Variants in DLG2 observed in about 807,000 individuals in gnomAD.
The protein encoded by DLG2 is disks large homolog 2.
In DLG2, 45 loss-of-function variants were observed where a neutral mutation model predicts 132.5. The ratio of observed to expected loss-of-function variants is 0.34; its 90% CI spans 0.27 to 0.44. The LOEUF (loss-of-function observed/expected upper bound fraction) is 0.44. DLG2 is among the 20% of genes least tolerant of loss of function. The probability of loss-of-function intolerance (pLI) is 1.00; values close to 1 mark genes in which losing one functional copy is unlikely to be tolerated. For synonymous variants in DLG2, 424 were observed against 419.6 expected (o/e 1.01, Z -0.13); for missense variants, 1,045 against 1,196.9 (o/e 0.87, Z 1.87).
At chr11:83,567,241 T>G (rs944465710) in intron 19 of DLG2, among the ~76,000 whole-genome samples, 1 of 152,166 alleles carries the variant, frequency 6.6e-6, no homozygotes, top group African/African-American at 2.4e-5. Context: ...AGCTATAATA[T>G]TTTCTTGACT....
intron 6 of DLG2, among the ~76,000 whole-genome samples, chr11:84,696,555 G>A (rs2153733263): frequency 6.6e-6 from 1 of 151,528 alleles, no homozygotes; most frequent in East Asian, 2.0e-4. Flanking sequence ...GGAAGCAAGA[G>A]GCTTGAGGAG....
At chr11:84,302,230 G>C (rs1345644438) in intron 7 of DLG2, among the ~76,000 whole-genome samples, 1 of 152,090 alleles carries the variant, frequency 6.6e-6, no homozygotes, top group Non-Finnish European at 1.5e-5. Flanking sequence ...ATAGCATTAA[G>C]AGAAATACCT....
chr11:84,556,481 T>C (rs925196251), intron 6 of DLG2, among the ~76,000 whole-genome samples: 1 of 152,200 alleles, frequency 6.6e-6, no homozygotes, highest in Non-Finnish European at 1.5e-5. Context: ...GGAGAAGAAT[T>C]GTCTTGGGCC....
chr11:84,859,197 A>G (rs551394664), intron 6 of DLG2, among the ~76,000 whole-genome samples: 1 of 151,480 alleles, frequency 6.6e-6, no homozygotes, highest in South Asian at 2.1e-4. Flanking sequence ...AAAGTATAAA[A>G]TGTAATTTGT....
intron 17 of DLG2, 50 bp from the exon 18 acceptor site, chr11:83,786,842 C>T: frequency 6.4e-7 from 1 of 1,560,582 alleles, no homozygotes; most frequent in Non-Finnish European, 8.8e-7. Flanking sequence ...GGCATATTAT[C>T]CTGATAGAAG....
rs577728632 is a variant in DLG2, at chr11:84,824,116, T to C, written c.357+287545A>G. Among the ~76,000 whole-genome samples, 100 of 152,016 alleles carry C rather than the reference T, an allele frequency of 6.6e-4. 1 individual carries two copies. The South Asian group carries it at 0.01, about 15-fold the overall frequency. ...TCTTGTTGTATGTCCCTCTCACCAA[T>C]AGCAAATCTAAAATCCTAGCAATCC... On this transcript the variant is annotated intron_variant, in intron 6 of 27. Transcript: ENST00000376104.
At chr11:84,977,882 A>C (rs1239344790) in intron 6 of DLG2, among the ~76,000 whole-genome samples, 1 of 152,158 alleles carries the variant, frequency 6.6e-6, no homozygotes, top group Non-Finnish European at 1.5e-5. Flanking sequence ...ATCTCATCTT[A>C]AATTTCAATG....
chr11:85,292,143 T>C (rs572733474), intron 3 of DLG2, among the ~76,000 whole-genome samples: 18 of 152,272 alleles, frequency 1.2e-4, no homozygotes, highest in African/African-American at 3.6e-4. Flanking sequence ...TTCCTTATCC[T>C]GTATCCATAT....
intron 6 of DLG2, among the ~76,000 whole-genome samples, chr11:85,024,416 T>C (rs575235346): frequency 3.1e-4 from 47 of 152,276 alleles, no homozygotes; most frequent in African/African-American, 1.1e-3. Flanking sequence ...AGAGTAACAA[T>C]TAAAACACAG....
intron 3 of DLG2, among the ~76,000 whole-genome samples, chr11:85,448,965 C>A (rs2092125269): frequency 1.3e-5 from 2 of 152,104 alleles, no homozygotes; most frequent in Non-Finnish European, 2.9e-5. Flanking sequence ...TCAAACATGG[C>A]AGAAGTTGTT....
At chr11:84,428,724 C>T (rs1435148572) in intron 7 of DLG2, among the ~76,000 whole-genome samples, 2 of 152,184 alleles carry the variant, frequency 1.3e-5, no homozygotes, top group East Asian at 3.8e-4. Context: ...AGGACAAGAG[C>T]TTCAACATAT....
Position 85,199,373 on chromosome 11 carries a change from A to T in DLG2, c.187-44722T>A, listed in dbSNP as rs190041605. 1.6e-3 allele frequency among the ~76,000 whole-genome samples: 239 copies of T among 152,324 alleles called. 1 individual carries two copies. The highest frequency in any genetic ancestry group is 5.3e-3 in the African/African-American group (220 of 41,580). On this transcript the variant is annotated intron_variant, in intron 4 of 27. Transcript: ENST00000376104. Reference sequence around the variant, plus strand: ...AGCTAATCCCCAGGGACAAAAATTTAAAAAAGTCTAAGGAATAATGTGTGA... The same window carrying T: ...AGCTAATCCCCAGGGACAAAAATTTTAAAAAGTCTAAGGAATAATGTGTGA...
At position 85,186,254 on chromosome 11, in the gene DLG2, A is replaced by AT. The variant is rs2080089462; in HGVS notation, c.187-31604dup. On this transcript the variant is annotated intron_variant, in intron 4 of 27. Transcript: ENST00000376104. ...GAAACAAAATTAATTTAAATAATAT[A>AT]TTTCATTTAACTCAATATATGCAAA... Among the ~76,000 whole-genome samples, 4 of 152,188 alleles carry AT rather than the reference A, an allele frequency of 2.6e-5. No homozygotes were observed. In the Middle Eastern group the frequency reaches 0.01, roughly 388 times the overall value.
intron 3 of DLG2, among the ~76,000 whole-genome samples, chr11:85,543,944 G>A (rs1393858030): frequency 6.6e-6 from 1 of 152,104 alleles, no homozygotes; most frequent in Non-Finnish European, 1.5e-5. Flanking sequence ...TAGGGTGCCT[G>A]TTCACTCTGA....
At chr11:83,757,137 T>C (rs2093681551) in intron 18 of DLG2, among the ~76,000 whole-genome samples, 2 of 152,292 alleles carry the variant, frequency 1.3e-5, no homozygotes, top group South Asian at 2.1e-4. Flanking sequence ...TTTGAGGAAT[T>C]TATATGATCC....
chr11:85,414,876 T>A (rs186756941), intron 3 of DLG2, among the ~76,000 whole-genome samples: 15 of 152,246 alleles, frequency 9.9e-5, no homozygotes, highest in Non-Finnish European at 1.8e-4. Flanking sequence ...CTTTCATTAT[T>A]ATACTTTAAG....
chr11:83,637,413 T>A (rs2065133765), intron 18 of DLG2, among the ~76,000 whole-genome samples: 1 of 152,210 alleles, frequency 6.6e-6, no homozygotes, highest in Non-Finnish European at 1.5e-5. Context: ...TGAGCTAGGA[T>A]CTGTACTACA....
chr11:84,304,281 G>A (rs922742766), intron 7 of DLG2, among the ~76,000 whole-genome samples: 1 of 152,130 alleles, frequency 6.6e-6, no homozygotes. Flanking sequence ...GGAATACGAG[G>A]AATCTCACAC....
rs527604245 is a variant in DLG2 at position 83,624,076 on chromosome 11, G to T, written c.1940+9135C>A. Among the ~76,000 whole-genome samples, 11 of 152,320 alleles carry T rather than the reference G, an allele frequency of 7.2e-5. 1 individual carries two copies. Among genetic ancestry groups the T allele is most frequent in the African/African-American group, 2.6e-4 (11 of 41,568 alleles). ...TCTAGGTTGTAGGAATGATCTGTGG[G>T]CTCCTTAATGGCAGAAAAGAAGTTT... On this transcript the variant is annotated intron_variant, in intron 19 of 27. Coordinates refer to ENST00000376104, the MANE Select transcript of DLG2 (RefSeq NM_001142699.3).
Sources: allele counts gnomAD v4.1 joint callset (sites outside exome capture counted in the v4.1 genomes callset), GRCh38; gene constraint gnomAD v4.1.1; transcripts MANE v1.5; gene names NCBI Gene and HGNC (gene_info 2026-07-23, HGNC 2026-07-21).